Variants in HECW2 observed in about 807,000 individuals in gnomAD.
HECW2 encodes the protein E3 ubiquitin-protein ligase HECW2.
Under a neutral mutation model 175.2 loss-of-function variants are expected in HECW2, and 61 were observed. The observed-to-expected ratio is 0.35, with a 90% CI of 0.28 to 0.43. The LOEUF is 0.43. Ranked by LOEUF, HECW2 falls within the 20% of genes least tolerant of loss-of-function variation. The pLI, the probability that HECW2 is intolerant of heterozygous loss-of-function variation, is 1.00. For missense variants in HECW2, 1,524 were observed against 2,000.5 expected (o/e 0.76, Z 4.54); for synonymous variants, 671 against 731.0 (o/e 0.92, Z 1.32).
chr2:196,539,695 G>A (rs550174486), intron 1 of HECW2, among the ~76,000 whole-genome samples: 1 of 152,284 alleles, frequency 6.6e-6, no homozygotes, highest in Admixed American at 6.5e-5. Context: ...TCTCACATGA[G>A]GGTCCCTTTG....
chr2:196,204,673 T>C (rs113261415), intron 28 of HECW2, among the ~76,000 whole-genome samples: 3 of 152,196 alleles, frequency 2.0e-5, no homozygotes, highest in African/African-American at 7.2e-5. Context: ...CATAAATGTG[T>C]GTTGTTTTAC....
At chr2:196,290,994 T>C (rs1166270686) in intron 14 of HECW2, 2 of 152,204 alleles carry the variant, frequency 1.3e-5, no homozygotes, top group Non-Finnish European at 2.9e-5. Context: ...ATCAAGTCAG[T>C]AGTTTCAATG....
chr2:196,201,470 CTGTG>C lies in HECW2; in HGVS notation c.4608-86_4608-83del, dbSNP rs920721063. 289 of 851,996 alleles carry C rather than the reference CTGTG, an allele frequency of 3.4e-4. No homozygotes were observed. In the East Asian group the frequency reaches 6.4e-3, roughly 19 times the overall value. 52.8% of individuals were successfully genotyped at this position (851,996 alleles called of 1,614,324 possible). A position where few individuals can be genotyped will look rare whatever the true frequency, so the allele number is the denominator to read the frequency against. ...GTGTGGTGTGTGTGTGTGTGTGTGT[CTGTG>C]TGTGTATGACTGTCTTTCACATTCA... On this transcript the variant is annotated intron_variant, in intron 28 of 28. Transcript: ENST00000644978.
At chr2:196,509,110 A>G (rs1452573490) in intron 1 of HECW2, among the ~76,000 whole-genome samples, 1 of 152,034 alleles carries the variant, frequency 6.6e-6, no homozygotes, top group Non-Finnish European at 1.5e-5. Flanking sequence ...GTTTAATAGG[A>G]TTGTGGGTTT....
intron 1 of HECW2, among the ~76,000 whole-genome samples, chr2:196,559,984 GA>G (rs1179554807): frequency 6.6e-6 from 1 of 152,142 alleles, no homozygotes; most frequent in Non-Finnish European, 1.5e-5. Context: ...TTCACTTGCA[GA>G]GAGGGACGGT....
chr2:196,464,419 A>G (rs528540357), intron 1 of HECW2, among the ~76,000 whole-genome samples: 1 of 152,318 alleles, frequency 6.6e-6, no homozygotes, highest in African/African-American at 2.4e-5. Context: ...GATGCCACCA[A>G]AACTAAAGCA....
chr2:196,587,875 C>A (rs1691042385), intron 1 of HECW2, among the ~76,000 whole-genome samples: 1 of 152,194 alleles, frequency 6.6e-6, no homozygotes, highest in South Asian at 2.1e-4. Context: ...CTTCTGGTCT[C>A]ATTTCTGACT....
intron 1 of HECW2, among the ~76,000 whole-genome samples, chr2:196,452,143 G>C (rs182898010): frequency 2.0e-5 from 3 of 152,172 alleles, no homozygotes; most frequent in African/African-American, 7.2e-5. Flanking sequence ...GCTACATGTG[G>C]CTATTGATCA....
intron 14 of HECW2, chr2:196,288,207 G>C (rs751728784): frequency 1.6e-4 from 24 of 152,144 alleles, no homozygotes; most frequent in Admixed American, 1.5e-3. Context: ...TTCAGTTCCA[G>C]TTCTAAATTA....
intron 2 of HECW2, among the ~76,000 whole-genome samples, chr2:196,361,641 TGATAA>T (rs1439237043): frequency 1.3e-5 from 2 of 152,174 alleles, no homozygotes; most frequent in African/African-American, 4.8e-5. Flanking sequence ...AGTTGCCAAG[TGATAA>T]ATGTGCCACA....
chr2:196,363,699 C>G (rs1315006604), intron 2 of HECW2, among the ~76,000 whole-genome samples: 1 of 152,168 alleles, frequency 6.6e-6, no homozygotes. Flanking sequence ...TGGCATGCAC[C>G]TGTAGTGCCA....
At chr2:196,577,906 A>G (rs533112350) in intron 1 of HECW2, among the ~76,000 whole-genome samples, 1 of 152,202 alleles carries the variant, frequency 6.6e-6, no homozygotes, top group East Asian at 1.9e-4. Context: ...CATCCTCGAG[A>G]GGGAGGACAA....
intron 1 of HECW2, among the ~76,000 whole-genome samples, chr2:196,482,403 T>A (rs1333447945): frequency 1.3e-5 from 2 of 152,238 alleles, no homozygotes; most frequent in Non-Finnish European, 2.9e-5. Flanking sequence ...ACAACCTCTG[T>A]GCTGGGATGC....
chr2:196,394,558 C>T (rs565040478), intron 2 of HECW2, among the ~76,000 whole-genome samples: 3 of 140,674 alleles, frequency 2.1e-5, no homozygotes, highest in Non-Finnish European at 3.1e-5. Flanking sequence ...AAGGCAGACA[C>T]GAGAGCCAGA....
chr2:196,331,326 G>T, intron 4 of HECW2: 1 of 975,694 alleles, frequency 1.0e-6, no homozygotes, highest in Non-Finnish European at 1.2e-6. Flanking sequence ...CAGTACACTG[G>T]CCAGAGAACT....
At chr2:196,254,667 T>C (rs1214683827) in intron 18 of HECW2, among the ~76,000 whole-genome samples, 1 of 152,208 alleles carries the variant, frequency 6.6e-6, no homozygotes, top group Non-Finnish European at 1.5e-5. Flanking sequence ...CTGAGCTCTT[T>C]TCAGCTGTAC....
intron 2 of HECW2, among the ~76,000 whole-genome samples, chr2:196,365,256 T>C (rs1693713234): frequency 6.6e-6 from 1 of 152,168 alleles, no homozygotes; most frequent in East Asian, 1.9e-4. Flanking sequence ...ACAACACAAA[T>C]TGGCAATGGA....
chr2:196,492,530 A>G (rs1332272198), intron 1 of HECW2, among the ~76,000 whole-genome samples: 1 of 152,242 alleles, frequency 6.6e-6, no homozygotes, highest in African/African-American at 2.4e-5. Context: ...ATCAAACTGA[A>G]GTTATTAAAC....
chr2:196,314,452 T>C (rs1691615306), intron 10 of HECW2, among the ~76,000 whole-genome samples: 1 of 152,214 alleles, frequency 6.6e-6, no homozygotes, highest in Non-Finnish European at 1.5e-5. Flanking sequence ...CAATAGGCCC[T>C]TCCCTTCCAA....
Sources: allele counts gnomAD v4.1 joint callset (sites outside exome capture counted in the v4.1 genomes callset), GRCh38; gene constraint gnomAD v4.1.1; transcripts MANE v1.5; gene names NCBI Gene and HGNC (gene_info 2026-07-23, HGNC 2026-07-21).